Variants in FAT3 observed in about 807,000 individuals in gnomAD.
FAT3 encodes the protein FAT atypical cadherin 3, also known as protocadherin Fat 3.
A neutral mutation model predicts 310.2 loss-of-function variants in FAT3; 95 were observed. The observed-to-expected ratio is 0.31, with a 90% CI of 0.26 to 0.36. FAT3 has a LOEUF of 0.36. FAT3 is among the 10% of genes least tolerant of loss of function. The pLI is 1.00. For missense variants in FAT3, 5,408 were observed against 5,715.6 expected, an observed-to-expected ratio of 0.95 and a Z score of 1.74; for synonymous variants, 2,314 against 2,192.9, an observed-to-expected ratio of 1.06 and a Z score of -1.54.
chr11:92,575,982 G>T (rs1938464452), intron 3 of FAT3, among the ~76,000 whole-genome samples: 1 of 152,116 alleles, frequency 6.6e-6, no homozygotes, highest in Non-Finnish European at 1.5e-5. Context: ...TAATTACTTT[G>T]ATCTAATAAT....
At chr11:92,771,815 G>T (rs752727943) in intron 6 of FAT3, among the ~76,000 whole-genome samples, 25 of 149,610 alleles carry the variant, frequency 1.7e-4, no homozygotes, top group Non-Finnish European at 3.4e-4. Flanking sequence ...TATGAAAAAC[G>T]ACTAAGAAAA....
chr11:92,439,893 A>G (rs957453308), intron 2 of FAT3, among the ~76,000 whole-genome samples: 5 of 151,816 alleles, frequency 3.3e-5, no homozygotes, highest in Non-Finnish European at 5.9e-5. Context: ...TCCATCCTGG[A>G]TGAGAGAGTG....
In FAT3 at chr11:92,846,363, A is replaced by G. The variant is rs77993675; in HGVS notation, c.11365+1631A>G. On this transcript the variant is annotated intron_variant, in intron 19 of 27. Transcript: ENST00000525166. ...ACTGCCCTTAGGAGCTGACAATTGTAAAGTCAGCTTGCAAGCACCTACTTG... is the reference window on the plus strand; with the variant it reads ...ACTGCCCTTAGGAGCTGACAATTGTGAAGTCAGCTTGCAAGCACCTACTTG... Among the ~76,000 whole-genome samples the G allele has an allele frequency of 2.2e-4, 34 of 152,362 alleles. No individual in the cohort carries two copies. The East Asian group carries it at 6.6e-3, about 29-fold the overall frequency.
chr11:92,230,677 C>T (rs1239886183), intron 1 of FAT3, among the ~76,000 whole-genome samples: 1 of 152,152 alleles, frequency 6.6e-6, no homozygotes, highest in Non-Finnish European at 1.5e-5. Context: ...AGACAGTGGG[C>T]AAGATTCAAA....
At chr11:92,847,691 G>A (rs1017994706) in intron 19 of FAT3, among the ~76,000 whole-genome samples, 3 of 152,136 alleles carry the variant, frequency 2.0e-5, no homozygotes, top group Non-Finnish European at 4.4e-5. Context: ...TACTGGTCAG[G>A]AAACCAAACT....
chr11:92,315,526 G>C (rs1476139135), intron 1 of FAT3, among the ~76,000 whole-genome samples: 2 of 137,172 alleles, frequency 1.5e-5, no homozygotes, highest in Admixed American at 7.4e-5. Context: ...GAGAGAGAGA[G>C]AGAGAGAGAG....
chr11:92,493,604 C>T (rs989276248), intron 2 of FAT3, among the ~76,000 whole-genome samples: 1 of 152,062 alleles, frequency 6.6e-6, no homozygotes, highest in Admixed American at 6.6e-5. Context: ...CTGCTTCTTC[C>T]CATGTGTCAC....
At chr11:92,539,552 AAAAACAGG>A in intron 3 of FAT3, among the ~76,000 whole-genome samples, 1 of 152,292 alleles carries the variant, frequency 6.6e-6, no homozygotes, top group South Asian at 2.1e-4. Context: ...GAGGAACACA[AAAAACAGG>A]AAACTTCTCA....
At chr11:92,249,077 A>G (rs1865039468) in intron 1 of FAT3, among the ~76,000 whole-genome samples, 1 of 151,778 alleles carries the variant, frequency 6.6e-6, no homozygotes, top group Admixed American at 6.6e-5. Context: ...TATTTATAAC[A>G]TTTAAGGGTA....
intron 3 of FAT3, among the ~76,000 whole-genome samples, chr11:92,595,739 A>G (rs1939670762): frequency 6.6e-6 from 1 of 152,232 alleles, no homozygotes; most frequent in South Asian, 2.1e-4. Flanking sequence ...GGCATTAGAC[A>G]GAATAAATAA....
At chr11:92,479,194 A>G (rs1359789640) in intron 2 of FAT3, among the ~76,000 whole-genome samples, 1 of 135,094 alleles carries the variant, frequency 7.4e-6, no homozygotes, top group Non-Finnish European at 1.6e-5. Flanking sequence ...ATTTTTTTGT[A>G]GCGACAGGAT....
At chr11:92,668,393 A>G (rs1174865387) in intron 3 of FAT3, among the ~76,000 whole-genome samples, 3 of 152,212 alleles carry the variant, frequency 2.0e-5, no homozygotes, top group Non-Finnish European at 4.4e-5. Flanking sequence ...TCAGGATAGG[A>G]TATCAGAGTG....
intron 1 of FAT3, among the ~76,000 whole-genome samples, chr11:92,293,059 AGG>A (rs1565206238): frequency 1.1e-4 from 16 of 141,922 alleles, no homozygotes; most frequent in African/African-American, 2.1e-4. Context: ...GAAGGAAGGA[AGG>A]AAGGAAGGAA....
chr11:92,553,783 T>C (rs1381402098), intron 3 of FAT3, among the ~76,000 whole-genome samples: 1 of 151,070 alleles, frequency 6.6e-6, no homozygotes, highest in Non-Finnish European at 1.5e-5. Context: ...TTCTCCTTCC[T>C]TCCTTCCTTC....
intron 2 of FAT3, among the ~76,000 whole-genome samples, chr11:92,366,179 C>T (rs1387378472): frequency 6.6e-6 from 1 of 152,126 alleles, no homozygotes; most frequent in African/African-American, 2.4e-5. Flanking sequence ...TGGTTCCTCC[C>T]CACAAGTCCT....
Position 92,837,770 on chromosome 11 carries a change from G to A in FAT3, c.10332G>A (p.Pro3444=), listed in dbSNP as rs374103134. The part of the protein sequence containing the change: ...IDISDVNDNS[P]VFTPANYTAV... The stretch of plus-strand genomic sequence containing the variant: ...TTTCTGATGTGAATGACAACAGCCC[G>A]GTGTTTACACCTGCCAACTATACTG... The change falls in exon 17 of 28, where the codon CCG becomes CCA. Residue 3444 remains proline (P), a synonymous_variant. Coordinates refer to ENST00000525166, the MANE Select transcript of FAT3 (RefSeq NM_001367949.2). 25 of 1,613,776 alleles carry A rather than the reference G, an allele frequency of 1.5e-5. No homozygotes were observed. Among genetic ancestry groups the A allele is most frequent in the African/African-American group, 1.1e-4 (8 of 74,888 alleles).
chr11:92,678,778 T>C (rs1934523959), intron 3 of FAT3, among the ~76,000 whole-genome samples: 1 of 152,228 alleles, frequency 6.6e-6, no homozygotes, highest in Non-Finnish European at 1.5e-5. Flanking sequence ...TGTGAAATTA[T>C]AGAAGTTAAA....
chr11:92,889,275 T>C, intron 26 of FAT3, 27 bp downstream of exon 26: 1 of 690,878 alleles, frequency 1.4e-6, no homozygotes, highest in Non-Finnish European at 2.7e-6. Flanking sequence ...TTCCATAGCA[T>C]TTCTTGAAAT....
chr11:92,481,762 A>G (rs1007836615), intron 2 of FAT3, among the ~76,000 whole-genome samples: 1 of 152,210 alleles, frequency 6.6e-6, no homozygotes, highest in Non-Finnish European at 1.5e-5. Flanking sequence ...GAAAAACACC[A>G]GATATTTGAG....
Sources: gnomAD v4.1 joint callset for allele counts (sites outside exome capture counted in the v4.1 genomes callset) on GRCh38, gnomAD v4.1.1 for gene constraint, MANE v1.5 for transcripts, NCBI Gene and HGNC (gene_info 2026-07-23, HGNC 2026-07-21) for gene names.